Variants in DCC observed in about 807,000 individuals in gnomAD.
The protein encoded by DCC is DCC netrin 1 receptor, also known as netrin receptor DCC.
Under a neutral mutation model 172.5 loss-of-function variants are expected in DCC, and 58 were observed. That is an observed-to-expected ratio of 0.34 (90% CI 0.27 to 0.42). DCC has a LOEUF of 0.42. Ranked by LOEUF, DCC falls within the 10% of genes least tolerant of loss-of-function variation. The probability of loss-of-function intolerance (pLI) is 1.00; values close to 1 mark genes in which losing one functional copy is unlikely to be tolerated. For synonymous variants in DCC, 709 were observed against 644.5 expected (o/e 1.10, Z -1.52); for missense variants, 1,740 against 1,791.0 (o/e 0.97, Z 0.51).
At chr18:52,814,644 A>C (rs966422827) in intron 2 of DCC, among the ~76,000 whole-genome samples, 1 of 152,240 alleles carries the variant, frequency 6.6e-6, no homozygotes, top group African/African-American at 2.4e-5. Context: ...TTCCTCCCAA[A>C]ATTATAGTTC....
At chr18:53,370,659 T>C (rs2058051911) in intron 15 of DCC, among the ~76,000 whole-genome samples, 2 of 151,988 alleles carry the variant, frequency 1.3e-5, no homozygotes, top group African/African-American at 4.8e-5. Context: ...TTCCATACAT[T>C]TGTGATTTTC....
intron 8 of DCC, among the ~76,000 whole-genome samples, chr18:53,178,295 T>G (rs1293489354): frequency 6.6e-6 from 1 of 152,242 alleles, no homozygotes; most frequent in Non-Finnish European, 1.5e-5. Context: ...AATTCATTAG[T>G]TTGCAACACT....
rs549274198 is a variant in DCC, at chr18:52,778,580, C to G, written c.412+26206C>G. Among the ~76,000 whole-genome samples the G allele has an allele frequency of 2.0e-5, 3 of 152,250 alleles. No homozygotes were observed. The East Asian group carries it at 5.8e-4, about 29-fold the overall frequency. ...TGTTGTTAAAGTTTCTAAAAGCTTC[C>G]TTTAGATACATATTTCCCATATCTC... On this transcript the variant is annotated intron_variant, in intron 2 of 28. Transcript: ENST00000442544.
intron 5 of DCC, among the ~76,000 whole-genome samples, chr18:53,028,864 A>G (rs756796253): frequency 2.0e-5 from 3 of 152,170 alleles, no homozygotes; most frequent in Non-Finnish European, 2.9e-5. Context: ...CCTTATATTC[A>G]GCTTATATTC....
intron 7 of DCC, among the ~76,000 whole-genome samples, chr18:53,126,665 C>T (rs936329370): frequency 2.0e-5 from 3 of 152,066 alleles, no homozygotes; most frequent in African/African-American, 7.2e-5. Context: ...CAGATTCATA[C>T]GTATCACTGA....
At chr18:52,863,442 A>G (rs558460966) in intron 2 of DCC, among the ~76,000 whole-genome samples, 3 of 151,944 alleles carry the variant, frequency 2.0e-5, no homozygotes, top group Non-Finnish European at 2.9e-5. Context: ...CAATTTTTCT[A>G]TATGGAACAG....
At chr18:52,732,101 T>C (rs1260679953) in intron 1 of DCC, among the ~76,000 whole-genome samples, 2 of 152,176 alleles carry the variant, frequency 1.3e-5, no homozygotes, top group African/African-American at 2.4e-5. Context: ...ATCCTAACTC[T>C]TGAGGTTGCC....
At chr18:53,209,977 G>T (rs11873342) in intron 11 of DCC, among the ~76,000 whole-genome samples, 1 of 152,040 alleles carries the variant, frequency 6.6e-6, no homozygotes, top group African/African-American at 2.4e-5. Context: ...AAAGTATTTC[G>T]TGACCCTAAC....
chr18:53,433,087 C>T (rs1372332981), intron 21 of DCC, among the ~76,000 whole-genome samples: 10 of 151,964 alleles, frequency 6.6e-5, no homozygotes, highest in Admixed American at 6.6e-4. Flanking sequence ...AAAAGTTAAC[C>T]CACATCAATA....
intron 7 of DCC, among the ~76,000 whole-genome samples, chr18:53,078,321 T>A (rs917863403): frequency 2.0e-5 from 3 of 152,102 alleles, no homozygotes; most frequent in Middle Eastern, 3.4e-3. Context: ...ATAAATAAAT[T>A]TTACCTAGAT....
chr18:52,782,661 CT>C, intron 2 of DCC, among the ~76,000 whole-genome samples: 1 of 152,152 alleles, frequency 6.6e-6, no homozygotes, highest in Middle Eastern at 3.4e-3. Flanking sequence ...TGTGTATTCA[CT>C]TGAGGACCTT....
intron 7 of DCC, among the ~76,000 whole-genome samples, chr18:53,135,298 T>C (rs1480490216): frequency 6.6e-6 from 1 of 152,090 alleles, no homozygotes; most frequent in African/African-American, 2.4e-5. Flanking sequence ...GCTCAAGAGA[T>C]GGAGGTGGGA....
At chr18:52,603,315 T>C (rs981298027) in intron 1 of DCC, among the ~76,000 whole-genome samples, 1 of 152,090 alleles carries the variant, frequency 6.6e-6, no homozygotes, top group Non-Finnish European at 1.5e-5. Context: ...CCCATTCTAT[T>C]ATTTAGCTTT....
chr18:53,178,880 A>G, intron 8 of DCC, 82 bp from the exon 9 acceptor site: 2 of 1,490,964 alleles, frequency 1.3e-6, no homozygotes, highest in South Asian at 1.2e-5. Flanking sequence ...GGTTCACCTC[A>G]CTACTCTTGC....
At chr18:52,702,586 A>G (rs1182295037) in intron 1 of DCC, among the ~76,000 whole-genome samples, 1 of 152,114 alleles carries the variant, frequency 6.6e-6, no homozygotes, top group African/African-American at 2.4e-5. Flanking sequence ...TATCGCTCCA[A>G]GAAAGTACTG....
intron 7 of DCC, among the ~76,000 whole-genome samples, chr18:53,152,410 T>TA (rs1459257303): frequency 6.6e-6 from 1 of 152,160 alleles, no homozygotes; most frequent in East Asian, 1.9e-4. Context: ...AAGCTTTATT[T>TA]AAAAAATTAA....
chr18:52,772,034 A>G (rs2037353184), intron 2 of DCC, among the ~76,000 whole-genome samples: 1 of 152,110 alleles, frequency 6.6e-6, no homozygotes, highest in African/African-American at 2.4e-5. Context: ...GTTACTCCAT[A>G]ATATCCTCTT....
At chr18:53,023,171 A>G (rs975938549) in intron 5 of DCC, among the ~76,000 whole-genome samples, 1 of 151,926 alleles carries the variant, frequency 6.6e-6, no homozygotes, top group Non-Finnish European at 1.5e-5. Flanking sequence ...GTATAGAAGT[A>G]TTTACCAGTC....
intron 1 of DCC, among the ~76,000 whole-genome samples, chr18:52,460,673 C>T (rs1264151003): frequency 6.6e-6 from 1 of 152,160 alleles, no homozygotes; most frequent in East Asian, 1.9e-4. Context: ...CTAGGCTACA[C>T]ATGTGTACAG....
Sources: allele counts gnomAD v4.1 joint callset (sites outside exome capture counted in the v4.1 genomes callset), GRCh38; gene constraint gnomAD v4.1.1; transcripts MANE v1.5; gene names NCBI Gene and HGNC (gene_info 2026-07-23, HGNC 2026-07-21).